Variants in RARB observed in about 807,000 individuals in gnomAD.
The protein encoded by RARB is retinoic acid receptor beta.
A neutral mutation model predicts 51.9 loss-of-function variants in RARB; 17 were observed. The ratio of observed to expected loss-of-function variants is 0.33; its 90% CI spans 0.22 to 0.49. The LOEUF (loss-of-function observed/expected upper bound fraction) is 0.49, where lower values mean the gene tolerates loss of function less well. Among genes scored for constraint, RARB ranks in the 20% least tolerant of loss-of-function variants. RARB has a pLI of 0.99. For synonymous variants in RARB, 215 were observed against 195.4 expected, an observed-to-expected ratio of 1.10 and a Z score of -0.84; for missense variants, 369 against 550.8, an observed-to-expected ratio of 0.67 and a Z score of 3.30.
intron 5 of RARB, among the ~76,000 whole-genome samples, chr3:25,589,551 AG>A (rs1449141129): frequency 1.3e-5 from 2 of 152,224 alleles, no homozygotes; most frequent in Non-Finnish European, 2.9e-5. Flanking sequence ...AGGTGATGGC[AG>A]CTTGGTGGAC....
intron 2 of RARB, among the ~76,000 whole-genome samples, chr3:25,014,734 C>A (rs1180679141): frequency 6.6e-6 from 1 of 151,940 alleles, no homozygotes; most frequent in Non-Finnish European, 1.5e-5. Flanking sequence ...TTGTAACTAC[C>A]CATTCCTAGA....
intron 5 of RARB, among the ~76,000 whole-genome samples, chr3:25,322,192 A>T (rs1202435528): frequency 7.4e-6 from 1 of 135,426 alleles, no homozygotes; most frequent in African/African-American, 2.9e-5. Flanking sequence ...TGATGAAAAC[A>T]TATACTATTT....
chr3:24,858,807 C>A (rs989251746), intron 2 of RARB: 16 of 151,898 alleles, frequency 1.1e-4, no homozygotes, highest in Non-Finnish European at 1.5e-5. Context: ...GAGGCCGAGG[C>A]AGGTGGATCA....
At chr3:24,993,914 CACT>C (rs1363315900) in intron 2 of RARB, among the ~76,000 whole-genome samples, 1 of 152,052 alleles carries the variant, frequency 6.6e-6, no homozygotes, top group Non-Finnish European at 1.5e-5. Flanking sequence ...TGTTATTGGA[CACT>C]AGGTTGATTC....
At chr3:25,120,696 G>A (rs1473868358) in intron 3 of RARB, among the ~76,000 whole-genome samples, 15 of 151,974 alleles carry the variant, frequency 9.9e-5, no homozygotes, top group Admixed American at 9.8e-4. Context: ...CCAGAATTTG[G>A]GAAAATGGCT....
chr3:25,162,928 G>C, intron 4 of RARB, among the ~76,000 whole-genome samples: 1 of 152,196 alleles, frequency 6.6e-6, no homozygotes, highest in East Asian at 1.9e-4. Flanking sequence ...TCCCTTGACT[G>C]TATACAGCCA....
chr3:25,049,396 G>A lies in RARB; in HGVS notation c.-379-10729G>A, dbSNP rs138798184. On this transcript the variant is annotated intron_variant, in intron 2 of 11. Transcript: ENST00000383772. The stretch of plus-strand genomic sequence containing the variant: ...TCGATTTAGGGTTCTAGGAATTTCA[G>A]CATTGAATATGGTAGAATATGTATG... Among the ~76,000 whole-genome samples the A allele has an allele frequency of 7.4e-3, 1,128 of 152,310 alleles. 10 individuals are homozygous for A. The highest frequency in any genetic ancestry group is 0.014 in the Middle Eastern group (4 of 294).
intron 3 of RARB, among the ~76,000 whole-genome samples, chr3:25,510,666 A>G (rs918611999): frequency 1.3e-5 from 2 of 152,210 alleles, no homozygotes; most frequent in African/African-American, 4.8e-5. Flanking sequence ...TTTAACGTGT[A>G]TACTAGTTTA....
intron 3 of RARB, among the ~76,000 whole-genome samples, chr3:25,509,559 T>C (rs1697786296): frequency 6.6e-6 from 1 of 152,170 alleles, no homozygotes; most frequent in African/African-American, 2.4e-5. Context: ...GCAAGCATGG[T>C]TTCTAAAATA....
At chr3:25,016,115 T>C (rs1697502551) in intron 2 of RARB, among the ~76,000 whole-genome samples, 3 of 152,172 alleles carry the variant, frequency 2.0e-5, no homozygotes, top group African/African-American at 7.2e-5. Flanking sequence ...GCAAAATCAG[T>C]ATGAGACAGG....
At chr3:25,139,459 A>G (rs1199824927) in intron 4 of RARB, among the ~76,000 whole-genome samples, 5 of 152,220 alleles carry the variant, frequency 3.3e-5, no homozygotes, top group African/African-American at 9.6e-5. Context: ...CAGTCACAAC[A>G]TTCCCTTAAC....
At chr3:25,505,058 C>T (rs1199917864) in intron 3 of RARB, among the ~76,000 whole-genome samples, 3 of 152,220 alleles carry the variant, frequency 2.0e-5, no homozygotes, top group South Asian at 2.1e-4. Context: ...GGATTACAGG[C>T]GTGAGCCACC....
chr3:24,848,918 G>C (rs1473241317), intron 1 of RARB, among the ~76,000 whole-genome samples: 1 of 152,128 alleles, frequency 6.6e-6, no homozygotes, highest in East Asian at 1.9e-4. Flanking sequence ...GTTGATTATG[G>C]ATTCCTCCTT....
chr3:25,028,907 A>T (rs935166193), intron 2 of RARB, among the ~76,000 whole-genome samples: 1 of 152,032 alleles, frequency 6.6e-6, no homozygotes, highest in East Asian at 1.9e-4. Flanking sequence ...GACCATGTTA[A>T]CCTCCAACTC....
At chr3:25,009,995 C>T (rs1042364621) in intron 2 of RARB, among the ~76,000 whole-genome samples, 2 of 152,122 alleles carry the variant, frequency 1.3e-5, no homozygotes, top group Non-Finnish European at 2.9e-5. Flanking sequence ...CAAGTAGCCC[C>T]TCTTACCTTC....
chr3:25,214,520 A>G (rs544818386), intron 5 of RARB, among the ~76,000 whole-genome samples: 2 of 152,262 alleles, frequency 1.3e-5, no homozygotes, highest in Non-Finnish European at 2.9e-5. Flanking sequence ...ATAAAATATG[A>G]ACATCCATTT....
chr3:25,243,745 C>T (rs1045910343), intron 5 of RARB, among the ~76,000 whole-genome samples: 1 of 152,282 alleles, frequency 6.6e-6, no homozygotes, highest in African/African-American at 2.4e-5. Context: ...CTTCGATGTT[C>T]ATCAGGGATA....
At chr3:25,523,574 A>C (rs1053575432) in intron 3 of RARB, among the ~76,000 whole-genome samples, 2 of 152,174 alleles carry the variant, frequency 1.3e-5, no homozygotes, top group East Asian at 1.9e-4. Flanking sequence ...ATAGCATGCT[A>C]TTCTTTGGAG....
intron 2 of RARB, among the ~76,000 whole-genome samples, chr3:24,876,823 A>T (rs1457985297): frequency 6.6e-6 from 1 of 152,186 alleles, no homozygotes; most frequent in Non-Finnish European, 1.5e-5. Context: ...AACAGAGTTT[A>T]GATAGTGGCA....
Sources: allele counts gnomAD v4.1 joint callset (sites outside exome capture counted in the v4.1 genomes callset), GRCh38; gene constraint gnomAD v4.1.1; transcripts MANE v1.5; gene names NCBI Gene and HGNC (gene_info 2026-07-23, HGNC 2026-07-21).